MAGI1: variants seen among roughly 807,000 people sequenced by gnomAD.
MAGI1 encodes the protein membrane associated guanylate kinase, WW and PDZ domain containing 1, also known as membrane-associated guanylate kinase, WW and PDZ domain-containing protein 1.
A neutral mutation model predicts 139.9 loss-of-function variants in MAGI1; 58 were observed. That is an observed-to-expected ratio of 0.41 (90% CI 0.34 to 0.52). MAGI1 has a LOEUF of 0.52. Ranked by LOEUF, MAGI1 falls within the 20% of genes least tolerant of loss-of-function variation. The pLI is 0.12. For missense variants in MAGI1, 1,874 were observed against 1,901.6 expected, an observed-to-expected ratio of 0.99 and a Z score of 0.27; for synonymous variants, 812 against 737.9, an observed-to-expected ratio of 1.10 and a Z score of -1.63.
intron 2 of MAGI1, among the ~76,000 whole-genome samples, chr3:65,507,136 C>T (rs1165745867): frequency 6.6e-6 from 1 of 152,156 alleles, no homozygotes. Flanking sequence ...GAAAGGTACA[C>T]TATAGTACTA....
intron 1 of MAGI1, among the ~76,000 whole-genome samples, chr3:65,654,367 C>T (rs967137425): frequency 6.6e-6 from 1 of 152,094 alleles, no homozygotes; most frequent in Non-Finnish European, 1.5e-5. Flanking sequence ...TAAAAATGTC[C>T]AGTGAATCTG....
Position 65,869,762 on chromosome 3 carries a change from C to T in MAGI1, c.313+168234G>A, listed in dbSNP as rs545153410. 1.2e-3 allele frequency among the ~76,000 whole-genome samples: 187 copies of T among 152,202 alleles called. 2 individuals carry two copies. The highest frequency in any genetic ancestry group is 4.0e-3 in the African/African-American group (168 of 41,530). On this transcript the variant is annotated intron_variant, in intron 1 of 22. Coordinates refer to ENST00000402939, the MANE Select transcript of MAGI1 (RefSeq NM_001033057.2). ...AACAGAGCATGGCACATAGTAGGTA[C>T]TCCATAAATATTTCTAATCCAACTG...
intron 1 of MAGI1, among the ~76,000 whole-genome samples, chr3:65,676,885 T>TTGC (rs1476327424): frequency 2.0e-5 from 3 of 152,156 alleles, no homozygotes; most frequent in African/African-American, 7.2e-5. Flanking sequence ...ATATCCCAGT[T>TTGC]TGCTCCCCAC....
chr3:65,950,123 A>T, intron 1 of MAGI1, among the ~76,000 whole-genome samples: 2 of 29,282 alleles, frequency 6.8e-5, no homozygotes, highest in African/African-American at 1.5e-4. Context: ...TAGCAATATT[A>T]CTGTTTTTTT....
rs905693586 is a variant in MAGI1 at position 65,429,777 on chromosome 3, G to A, written c.1910C>T (p.Thr637Ile). ...DTVSLASSIA[T>I]QPELITVHIV... The stretch of plus-strand genomic sequence containing the variant: ...ATGAACAGTTATGAGTTCTGGCTGA[G>A]TGGCTATGGAGGAAGCCAAAGAAAC... The change falls in exon 12 of 23, where the codon ACT (threonine) becomes ATT (isoleucine). Residue 637 changes from threonine to isoleucine, a missense_variant. By Grantham distance (89) the Thr-to-Ile change is moderately conservative (BLOSUM62 -1). This residue lies in a region of MAGI1 where 482 missense variants were observed against 509.6 expected (regional missense o/e 0.95). Coordinates refer to ENST00000402939, the MANE Select transcript of MAGI1 (RefSeq NM_001033057.2). 7.4e-6 allele frequency: 12 copies of A among 1,613,980 alleles called. No individual in the cohort carries two copies. The highest frequency in any genetic ancestry group is 1.0e-5 in the Non-Finnish European group (12 of 1,179,954).
chr3:65,695,739 C>A (rs1403176190), intron 1 of MAGI1, among the ~76,000 whole-genome samples: 2 of 152,160 alleles, frequency 1.3e-5, no homozygotes, highest in African/African-American at 4.8e-5. Flanking sequence ...AAAAAGACTT[C>A]ATTTGCTGTG....
chr3:65,704,217 G>C (rs994726631), intron 1 of MAGI1, among the ~76,000 whole-genome samples: 3 of 152,108 alleles, frequency 2.0e-5, no homozygotes, highest in Admixed American at 6.5e-5. Context: ...CCACCAACAC[G>C]AACAGGCTTA....
intron 1 of MAGI1, among the ~76,000 whole-genome samples, chr3:66,033,555 A>G (rs2068756971): frequency 6.6e-6 from 1 of 152,226 alleles, no homozygotes; most frequent in African/African-American, 2.4e-5. Context: ...CTGTGTTTTA[A>G]AATGAGAGTT....
At chr3:65,914,069 G>A (rs2061786685) in intron 1 of MAGI1, 4 of 152,128 alleles carry the variant, frequency 2.6e-5, no homozygotes, top group Admixed American at 2.6e-4. Flanking sequence ...CAACTAATTG[G>A]CTTTCATGTT....
chr3:65,640,265 T>C (rs964824899), intron 1 of MAGI1, among the ~76,000 whole-genome samples: 7 of 152,194 alleles, frequency 4.6e-5, no homozygotes, highest in African/African-American at 1.7e-4. Flanking sequence ...GAACACTGAC[T>C]AATACATCAT....
intron 1 of MAGI1, among the ~76,000 whole-genome samples, chr3:65,692,642 G>A (rs1044957921): frequency 2.0e-5 from 3 of 152,186 alleles, no homozygotes; most frequent in Non-Finnish European, 2.9e-5. Context: ...TTGTCCCACA[G>A]TGCAACTGTG....
Position 65,356,540 on chromosome 3 carries a change from G to C in MAGI1, c.4227C>G (p.Arg1409=). 1 of 1,609,642 alleles carries C rather than the reference G, an allele frequency of 6.2e-7. No individual in the cohort carries two copies. The highest frequency in any genetic ancestry group is 8.5e-7 in the Non-Finnish European group (1 of 1,179,764). Reference sequence around the variant, plus strand: ...TTTTGTCCAGGGACCGCTCTCTCCTGCGCTCGGGGGAGCGTGCGCGCCTCC... The same window carrying C: ...TTTTGTCCAGGGACCGCTCTCTCCTCCGCTCGGGGGAGCGTGCGCGCCTCC... The part of the protein sequence containing the change: ...TDRRRARSPE[R]RRERSLDKRN... Residue 1409 remains arginine (R), a synonymous_variant, in exon 23 of 23, where the codon CGC becomes CGG. Coordinates refer to ENST00000402939, the MANE Select transcript of MAGI1 (RefSeq NM_001033057.2).
chr3:65,886,920 C>G (rs1382255784), intron 1 of MAGI1, among the ~76,000 whole-genome samples: 1 of 152,190 alleles, frequency 6.6e-6, no homozygotes, highest in Non-Finnish European at 1.5e-5. Flanking sequence ...TCCTACACAT[C>G]TCTTCTCCAA....
intron 1 of MAGI1, among the ~76,000 whole-genome samples, chr3:65,747,218 C>G (rs2035783562): frequency 6.6e-6 from 1 of 152,206 alleles, no homozygotes; most frequent in Non-Finnish European, 1.5e-5. Context: ...TTAGGGGACC[C>G]TCTGAGGAGT....
intron 1 of MAGI1, among the ~76,000 whole-genome samples, chr3:65,819,475 G>T (rs1011328272): frequency 6.6e-6 from 1 of 152,064 alleles, no homozygotes; most frequent in East Asian, 1.9e-4. Context: ...ATAACAGCAG[G>T]ACAGTTAGGG....
intron 2 of MAGI1, among the ~76,000 whole-genome samples, chr3:65,558,361 G>A (rs1030259126): frequency 2.2e-4 from 33 of 152,266 alleles, no homozygotes; most frequent in African/African-American, 7.5e-4. Context: ...GTAGTATCAC[G>A]AAGAGAGCAG....
chr3:65,478,952 GAT>G (rs987192468), intron 3 of MAGI1, among the ~76,000 whole-genome samples, 154 bp from the exon 4 acceptor site: 4 of 151,888 alleles, frequency 2.6e-5, no homozygotes, highest in Non-Finnish European at 5.9e-5. Flanking sequence ...GGTTAGAAGA[GAT>G]ATCTTTCCTA....
At chr3:65,723,156 C>A (rs1260334214) in intron 1 of MAGI1, among the ~76,000 whole-genome samples, 1 of 152,110 alleles carries the variant, frequency 6.6e-6, no homozygotes, top group Non-Finnish European at 1.5e-5. Context: ...CAGTGCTCAA[C>A]AAAACCTAGA....
intron 1 of MAGI1, among the ~76,000 whole-genome samples, chr3:65,757,405 G>A (rs961881917): frequency 6.6e-6 from 1 of 152,188 alleles, no homozygotes; most frequent in South Asian, 2.1e-4. Context: ...AACACATTGG[G>A]AGGCTGAGGC....
Sources: allele counts gnomAD v4.1 joint callset (sites outside exome capture counted in the v4.1 genomes callset), GRCh38; gene constraint gnomAD v4.1.1; regional missense constraint gnomAD v4.1.1; transcripts MANE v1.5; gene names NCBI Gene and HGNC (gene_info 2026-07-23, HGNC 2026-07-21).